SLC22A3: variants seen among roughly 807,000 people sequenced by gnomAD.
The protein encoded by SLC22A3 is solute carrier family 22 member 3, also known as EMT organic cation transporter 3.
In SLC22A3, 51 loss-of-function variants were observed where a neutral mutation model predicts 59.1. That is an observed-to-expected ratio of 0.86 (90% CI 0.69 to 1.09). The LOEUF is 1.09. Ranked by LOEUF, SLC22A3 falls within the 50% of genes least tolerant of loss-of-function variation. The probability of loss-of-function intolerance (pLI) is 0.00; values close to 1 mark genes in which losing one functional copy is unlikely to be tolerated. For synonymous variants in SLC22A3, 325 were observed against 292.0 expected (o/e 1.11, Z -1.15); for missense variants, 711 against 726.3 (o/e 0.98, Z 0.24).
intron 1 of SLC22A3, among the ~76,000 whole-genome samples, chr6:160,371,782 C>T (rs1280156536): frequency 6.6e-6 from 1 of 152,084 alleles, no homozygotes; most frequent in East Asian, 1.9e-4. Context: ...TGGTGGAAGA[C>T]AATCCCACCA....
chr6:160,412,249 G>A (rs1787282441), intron 5 of SLC22A3, among the ~76,000 whole-genome samples: 1 of 152,240 alleles, frequency 6.6e-6, no homozygotes, highest in Admixed American at 6.5e-5. Flanking sequence ...TGTAATTCCA[G>A]CTACTTGGGA....
At chr6:160,404,251 T>C (rs1786913425) in intron 2 of SLC22A3, among the ~76,000 whole-genome samples, 1 of 150,856 alleles carries the variant, frequency 6.6e-6, no homozygotes, top group Non-Finnish European at 1.5e-5. Context: ...AGTTGCAGGG[T>C]ACAAGGCTAA....
rs1316363300 is a variant in SLC22A3, at chr6:160,425,776, A to T, written c.976-11004A>T. On this transcript the variant is annotated intron_variant, in intron 5 of 10. Transcript: ENST00000275300. ...ATTAATTATGGAAACTAGTCTATAT[A>T]TTTGTTGGAATATGATAAATCAAGT... The T allele has an allele frequency of 4.1e-6, 4 of 972,918 alleles. No homozygotes were observed. In the African/African-American group the frequency reaches 7.0e-5, roughly 17 times the overall value. The allele number at this position is 972,918 out of a possible 1,614,324, so 60.3% of individuals were successfully genotyped here. A position where few individuals can be genotyped will look rare whatever the true frequency, so the allele number is the denominator to read the frequency against.
chr6:160,429,559 G>C (rs927074985), intron 5 of SLC22A3, among the ~76,000 whole-genome samples: 8 of 152,148 alleles, frequency 5.3e-5, no homozygotes, highest in Non-Finnish European at 4.4e-5. Flanking sequence ...TGGGATTGCT[G>C]TTCCTTGACT....
At chr6:160,437,268 C>T in intron 7 of SLC22A3, 57 bp downstream of exon 7, 3 of 1,543,852 alleles carry the variant, frequency 1.9e-6, no homozygotes, top group Non-Finnish European at 2.7e-6. Flanking sequence ...CCTAAATCCA[C>T]AATCAAGTAT....
intron 1 of SLC22A3, among the ~76,000 whole-genome samples, chr6:160,374,364 G>A (rs536854152): frequency 4.6e-5 from 7 of 152,280 alleles, no homozygotes; most frequent in East Asian, 3.9e-4. Flanking sequence ...CCAGTGAGAT[G>A]AGCTGGTGCC....
At chr6:160,438,492 A>G (rs1266679658) in intron 7 of SLC22A3, among the ~76,000 whole-genome samples, 1 of 152,152 alleles carries the variant, frequency 6.6e-6, no homozygotes, top group African/African-American at 2.4e-5. Flanking sequence ...TTTACAGATG[A>G]GTTTATTAAT....
At chr6:160,397,383 A>G (rs1461077479) in intron 1 of SLC22A3, among the ~76,000 whole-genome samples, 1 of 151,546 alleles carries the variant, frequency 6.6e-6, no homozygotes, top group East Asian at 1.9e-4. Context: ...ACAGGCCACA[A>G]ACTGGTACTG....
At chr6:160,412,042 C>CTTCTGATAAGAACG (rs972106921) in intron 5 of SLC22A3, among the ~76,000 whole-genome samples, 70 of 152,092 alleles carry the variant, frequency 4.6e-4, no homozygotes, top group Non-Finnish European at 2.9e-5. Flanking sequence ...TCACAGGAAC[C>CTTCTGATAAGAACG]TTCTGATAAG....
intron 2 of SLC22A3, among the ~76,000 whole-genome samples, chr6:160,405,286 T>C (rs1203596999): frequency 6.6e-6 from 1 of 152,030 alleles, no homozygotes; most frequent in Non-Finnish European, 1.5e-5. Flanking sequence ...ATACAGATGA[T>C]AATAAGCATA....
At chr6:160,405,410 T>A (rs1005730908) in intron 2 of SLC22A3, among the ~76,000 whole-genome samples, 4 of 152,102 alleles carry the variant, frequency 2.6e-5, no homozygotes, top group African/African-American at 9.7e-5. Flanking sequence ...CAACACCAAA[T>A]GCTGACTAGG....
intron 1 of SLC22A3, among the ~76,000 whole-genome samples, chr6:160,385,137 T>G (rs2665351): frequency 1.3e-5 from 2 of 152,262 alleles, no homozygotes; most frequent in African/African-American, 4.8e-5. Context: ...CAGCAGACTC[T>G]TGTGTCTCAC....
chr6:160,408,854 A>T lies in SLC22A3; in HGVS notation c.790A>T (p.Ile264Phe), dbSNP rs1787126741. The T allele has an allele frequency of 6.2e-7, 1 of 1,613,696 alleles. No homozygotes were observed. The highest frequency in any genetic ancestry group is 8.5e-7 in the Non-Finnish European group (1 of 1,179,856). ...IIILPGIAYF[I>F]PNWQGIQLAI... ...AATTCTCCCTGGAATTGCCTACTTC[A>T]TCCCCAACTGGCAAGGAATCCAGTT... Residue 264 changes from isoleucine (I) to phenylalanine (F), a missense_variant, in exon 4 of 11, where the codon ATC (isoleucine) becomes TTC (phenylalanine). Coordinates refer to ENST00000275300, the MANE Select transcript of SLC22A3 (RefSeq NM_021977.4).
chr6:160,381,966 A>G (rs1251441302), intron 1 of SLC22A3, among the ~76,000 whole-genome samples: 1 of 152,224 alleles, frequency 6.6e-6, no homozygotes, highest in Non-Finnish European at 1.5e-5. Flanking sequence ...TAGTCTTCTT[A>G]ATAAAATAAA....
chr6:160,396,605 T>A (rs944754741), intron 1 of SLC22A3, among the ~76,000 whole-genome samples: 1 of 152,208 alleles, frequency 6.6e-6, no homozygotes, highest in Non-Finnish European at 1.5e-5. Context: ...TTTTGAGCCC[T>A]AACTCATTCT....
intron 9 of SLC22A3, among the ~76,000 whole-genome samples, chr6:160,444,819 C>G (rs865998017): frequency 5.6e-4 from 85 of 152,354 alleles, no homozygotes; most frequent in African/African-American, 1.9e-3. Flanking sequence ...CCCATGAGGA[C>G]AGACCTTCTG....
chr6:160,395,703 G>T (rs920281001), intron 1 of SLC22A3, among the ~76,000 whole-genome samples: 1 of 152,130 alleles, frequency 6.6e-6, no homozygotes, highest in Non-Finnish European at 1.5e-5. Flanking sequence ...ATGCATATCT[G>T]TAAATCTCTT....
intron 1 of SLC22A3, among the ~76,000 whole-genome samples, chr6:160,375,286 C>T (rs1025515009): frequency 1.3e-5 from 2 of 152,188 alleles, no homozygotes; most frequent in Non-Finnish European, 2.9e-5. Flanking sequence ...TAGCAGTGGG[C>T]AGCTTGCTTG....
intron 5 of SLC22A3, among the ~76,000 whole-genome samples, chr6:160,433,515 T>TACTACTA (rs1788227342): frequency 6.8e-6 from 1 of 146,870 alleles, no homozygotes; most frequent in African/African-American, 2.5e-5. Context: ...AGACCCTGTC[T>TACTACTA]CTACTACTAC....
Sources: allele counts gnomAD v4.1 joint callset (sites outside exome capture counted in the v4.1 genomes callset), GRCh38; gene constraint gnomAD v4.1.1; transcripts MANE v1.5; gene names NCBI Gene and HGNC (gene_info 2026-07-23, HGNC 2026-07-21).